Variants in TRIM40 observed in about 807,000 individuals in gnomAD.
TRIM40 encodes E3 ubiquitin ligase TRIM40.
Under a neutral mutation model 26.1 loss-of-function variants are expected in TRIM40, and 27 were observed. That is an observed-to-expected ratio of 1.04 (90% CI 0.76 to 1.43). The LOEUF (loss-of-function observed/expected upper bound fraction) is 1.43. Among genes scored for constraint, TRIM40 ranks in the 40% most tolerant of loss-of-function variants. The probability of loss-of-function intolerance (pLI) is 0.00; values close to 1 mark genes in which losing one functional copy is unlikely to be tolerated. For synonymous variants in TRIM40, 114 were observed against 120.0 expected (o/e 0.95, Z 0.33); for missense variants, 289 against 307.9 (o/e 0.94, Z 0.46).
At chr6:30,139,330 C>G in intron 2 of TRIM40, among the ~76,000 whole-genome samples, 1 of 99,210 alleles carries the variant, frequency 1.0e-5, no homozygotes, top group South Asian at 3.4e-4. Context: ...AGAACTGTAA[C>G]TTTTTTTTCT....
intron 2 of TRIM40, among the ~76,000 whole-genome samples, chr6:30,138,035 CA>C (rs1356093247): frequency 1.3e-5 from 2 of 151,730 alleles, no homozygotes; most frequent in Admixed American, 1.3e-4. Flanking sequence ...TACATCCTTC[CA>C]AAAAATGTGT....
At chr6:30,139,959 C>T (rs1176279160) in intron 2 of TRIM40, among the ~76,000 whole-genome samples, 1 of 152,152 alleles carries the variant, frequency 6.6e-6, no homozygotes, top group Non-Finnish European at 1.5e-5. Context: ...AACCAACAGA[C>T]ATATGAAAAA....
At position 30,147,873 on chromosome 6, in the gene TRIM40, C is replaced by G; in HGVS notation, c.*61C>G. The G allele has an allele frequency of 6.9e-7, 1 of 1,457,242 alleles. No homozygotes were observed. Among genetic ancestry groups the G allele is most frequent in the Non-Finnish European group, 9.6e-7 (1 of 1,038,040 alleles). The allele number at this position is 1,457,242 out of a possible 1,614,324, so 90.3% of individuals were successfully genotyped here. A position where few individuals can be genotyped will look rare whatever the true frequency, so the allele number is the denominator to read the frequency against. ...CCTCAGCCTCCTCTCTCTCCTTCCT[C>G]CAACCTGTCCAGGCCCCCACTGGGT... On this transcript the variant is annotated 3_prime_UTR_variant, in exon 6 of 6. Coordinates refer to ENST00000396581, the MANE Select transcript of TRIM40 (RefSeq NM_001286633.2).
rs1434796747 is a variant in TRIM40, at chr6:30,137,391, G to A, written c.345+10G>A. ...CCTCAGCCACTACAAGGTAAGCCTG[G>A]GTCACCGCAGCCAGGCCCTGCCTCC... On this transcript the variant is annotated intron_variant, in intron 2 of 5. Coordinates refer to ENST00000396581, the MANE Select transcript of TRIM40 (RefSeq NM_001286633.2). 6.2e-7 allele frequency: 1 copy of A among 1,603,426 alleles called. No individual in the cohort carries two copies. The highest frequency in any genetic ancestry group is 8.5e-7 in the Non-Finnish European group (1 of 1,174,692).
chr6:30,147,248 C>T (rs1451246892), intron 4 of TRIM40, 39 bp downstream of exon 4: 11 of 1,609,170 alleles, frequency 6.8e-6, no homozygotes, highest in Non-Finnish European at 9.4e-6. Flanking sequence ...CTGGGATTCT[C>T]CCCGATAGGA....
intron 2 of TRIM40, among the ~76,000 whole-genome samples, chr6:30,140,046 C>A (rs1771254824): frequency 1.3e-5 from 2 of 152,174 alleles, no homozygotes; most frequent in South Asian, 2.1e-4. Context: ...GTTAGAATGG[C>A]AATCATTAAA....
intron 2 of TRIM40, among the ~76,000 whole-genome samples, chr6:30,141,711 G>C (rs1202517134): frequency 6.6e-6 from 1 of 152,182 alleles, no homozygotes; most frequent in East Asian, 1.9e-4. Context: ...GGAAATCCAG[G>C]TTTTGTTCTG....
intron 4 of TRIM40, 130 bp from the exon 5 acceptor site, chr6:30,147,390 G>T: frequency 7.0e-7 from 1 of 1,431,596 alleles, no homozygotes. Flanking sequence ...ACAGAAGAGG[G>T]GTGTTGCTAT....
rs1198009849 is a variant in TRIM40 at position 30,137,208 on chromosome 6, A to G, written c.172A>G (p.Lys58Glu). The G allele has an allele frequency of 1.2e-6, 2 of 1,612,912 alleles. No homozygotes were observed. The highest frequency in any genetic ancestry group is 2.7e-5 in the African/African-American group (2 of 74,908). ...SGVFCCPLCR[K>E]PCSEEVLGTG... ...GGTCTTCTGCTGCCCCCTCTGCCGGAAGCCCTGTTCTGAGGAGGTGCTAGG... is the reference window on the plus strand; with the variant it reads ...GGTCTTCTGCTGCCCCCTCTGCCGGGAGCCCTGTTCTGAGGAGGTGCTAGG... The change falls in exon 2 of 6, where the codon AAG becomes GAG. Residue 58 changes from lysine to glutamate, a missense_variant. Coordinates refer to ENST00000396581, the MANE Select transcript of TRIM40 (RefSeq NM_001286633.2).
chr6:30,140,202 C>T (rs1192416467), intron 2 of TRIM40, among the ~76,000 whole-genome samples: 3 of 152,176 alleles, frequency 2.0e-5, no homozygotes, highest in African/African-American at 7.2e-5. Flanking sequence ...CCATTTGACC[C>T]AGCAATCCCA....
At chr6:30,138,111 A>C (rs1283213171) in intron 2 of TRIM40, among the ~76,000 whole-genome samples, 1 of 151,828 alleles carries the variant, frequency 6.6e-6, no homozygotes, top group Non-Finnish European at 1.5e-5. Flanking sequence ...TTCTCTCTAT[A>C]TTTTTTTCTG....
At chr6:30,136,691 G>C in intron 1 of TRIM40, 42 bp from the exon 2 acceptor site, 1 of 313,068 alleles carries the variant, frequency 3.2e-6, no homozygotes, top group Middle Eastern at 9.2e-4. Flanking sequence ...AAGCTGTCAA[G>C]AGGAAAACAG....
At chr6:30,143,195 C>T (rs1323438843) in intron 2 of TRIM40, among the ~76,000 whole-genome samples, 1 of 152,080 alleles carries the variant, frequency 6.6e-6, no homozygotes, top group Non-Finnish European at 1.5e-5. Flanking sequence ...TTTACTTAAA[C>T]CTCATGTGCC....
At chr6:30,146,129 T>A in intron 3 of TRIM40, 40 bp downstream of exon 3, 1 of 1,502,740 alleles carries the variant, frequency 6.7e-7, no homozygotes, top group Non-Finnish European at 9.2e-7. Context: ...CCCTGGAGTG[T>A]TCTCAGGAGC....
At position 30,147,179 on chromosome 6, in the gene TRIM40, G is replaced by A. The variant is rs141466884; in HGVS notation, c.636G>A (p.Thr212=). 4.3e-5 allele frequency: 70 copies of A among 1,614,098 alleles called. No homozygotes were observed. The highest frequency in any genetic ancestry group is 8.3e-5 in the Admixed American group (5 of 60,012). ...LRSLVIDLER[T]AKELDTNTLK... is the part of the protein sequence containing the mutation. ...GCCTGGTCATTGATCTGGAAAGGAC[G>A]GCCAAGGAATTAGACACCAACACAC... The change falls in exon 4 of 6, where the codon ACG becomes ACA. Residue 212 remains threonine (T), a synonymous_variant. Coordinates refer to ENST00000396581, the MANE Select transcript of TRIM40 (RefSeq NM_001286633.2).
Position 30,137,102 on chromosome 6 carries a change from G to A in TRIM40, c.66G>A (p.Lys22=). 6.2e-7 allele frequency: 1 copy of A among 1,613,096 alleles called. No homozygotes were observed. Among genetic ancestry groups the A allele is most frequent in the Non-Finnish European group, 8.5e-7 (1 of 1,180,044 alleles). Residue 22 remains lysine, a synonymous_variant, in exon 2 of 6, where the codon AAG becomes AAA. Transcript: ENST00000396581. ...GVCPICQESL[K]EAVSTNCGHL... ...GCCCCATCTGCCAGGAGAGCCTGAA[G>A]GAGGCCGTGAGCACCAACTGCGGAC... is the stretch of plus-strand genomic sequence containing the variant.
intron 2 of TRIM40, among the ~76,000 whole-genome samples, chr6:30,139,590 G>C (rs1048904767): frequency 2.6e-5 from 4 of 152,086 alleles, no homozygotes; most frequent in African/African-American, 9.6e-5. Context: ...ATCCATCTGC[G>C]CTGGCCTCCC....
intron 2 of TRIM40, among the ~76,000 whole-genome samples, chr6:30,142,595 T>C (rs1318597092): frequency 6.6e-6 from 1 of 152,200 alleles, no homozygotes; most frequent in Non-Finnish European, 1.5e-5. Context: ...GGCTCTATTC[T>C]TTTTTATAAT....
chr6:30,139,339 CTTTTTTTTTTT>C (rs9278591), intron 2 of TRIM40, among the ~76,000 whole-genome samples: 1 of 77,872 alleles, frequency 1.3e-5, no homozygotes, highest in African/African-American at 3.9e-5. Context: ...ACTTTTTTTT[CTTTTTTTTTTT>C]TTTTTTTTTT....
Sources: gnomAD v4.1 joint callset for allele counts (sites outside exome capture counted in the v4.1 genomes callset) on GRCh38, gnomAD v4.1.1 for gene constraint, MANE v1.5 for transcripts, NCBI Gene and HGNC (gene_info 2026-07-23, HGNC 2026-07-21) for gene names.